RALYL: variants seen among roughly 807,000 people sequenced by gnomAD.
RALYL encodes the protein RNA-binding Raly-like protein.
A neutral mutation model predicts 35.1 loss-of-function variants in RALYL; 29 were observed. The ratio of observed to expected loss-of-function variants is 0.83; its 90% confidence interval spans 0.61 to 1.13. RALYL has a LOEUF of 1.13. Among genes scored for constraint, RALYL ranks in the 50% most tolerant of loss-of-function variants. The probability of loss-of-function intolerance (pLI) is 0.00; values close to 1 mark genes in which losing one functional copy is unlikely to be tolerated. For missense variants in RALYL, 359 were observed against 360.4 expected (o/e 1.00, Z 0.03); for synonymous variants, 120 against 127.6 (o/e 0.94, Z 0.40).
chr8:84,601,483 G>A (rs1324098293), intron 2 of RALYL, among the ~76,000 whole-genome samples: 3 of 152,120 alleles, frequency 2.0e-5, no homozygotes, highest in African/African-American at 7.2e-5. Context: ...CCTTGGAAGA[G>A]TTTCTGCCGG....
intron 4 of RALYL, among the ~76,000 whole-genome samples, chr8:84,845,582 T>A (rs1031365530): frequency 6.6e-6 from 1 of 152,228 alleles, no homozygotes; most frequent in Admixed American, 6.5e-5. Context: ...CTTTGTCAGA[T>A]GCACAGTTTA....
At chr8:84,800,617 C>T (rs1370293927) in intron 3 of RALYL, among the ~76,000 whole-genome samples, 4 of 147,326 alleles carry the variant, frequency 2.7e-5, no homozygotes, top group Non-Finnish European at 6.0e-5. Flanking sequence ...CTACCTATTT[C>T]ACATGAAAAG....
intron 2 of RALYL, among the ~76,000 whole-genome samples, chr8:84,772,410 T>C (rs950818617): frequency 1.3e-5 from 2 of 152,144 alleles, no homozygotes; most frequent in African/African-American, 4.8e-5. Flanking sequence ...GGGGATTTTA[T>C]TGGAATTACA....
At chr8:84,793,458 T>C (rs754542278) in intron 3 of RALYL, among the ~76,000 whole-genome samples, 2 of 152,190 alleles carry the variant, frequency 1.3e-5, no homozygotes, top group African/African-American at 4.8e-5. Flanking sequence ...ATTCGAGACA[T>C]TGACAAAAAC....
At chr8:84,287,595 C>CA (rs758862818) in intron 1 of RALYL, among the ~76,000 whole-genome samples, 1 of 151,294 alleles carries the variant, frequency 6.6e-6, no homozygotes, top group Non-Finnish European at 1.5e-5. Flanking sequence ...CTGGAAGTGG[C>CA]AAACAGAAAC....
chr8:84,803,823 A>G (rs1823932377), intron 3 of RALYL, among the ~76,000 whole-genome samples: 1 of 152,226 alleles, frequency 6.6e-6, no homozygotes, highest in Non-Finnish European at 1.5e-5. Flanking sequence ...TCACATTTAT[A>G]AAAATAAATG....
intron 2 of RALYL, among the ~76,000 whole-genome samples, chr8:84,711,812 A>C (rs934863881): frequency 2.6e-5 from 4 of 152,188 alleles, no homozygotes; most frequent in African/African-American, 9.6e-5. Context: ...GAAATTGATT[A>C]CAAATTAAAT....
At position 84,850,578 on chromosome 8, in the gene RALYL, TCTC is replaced by T. The variant is rs1369954848; in HGVS notation, c.413+552_413+554del. 9.8e-5 allele frequency among the ~76,000 whole-genome samples: 15 copies of T among 152,334 alleles called. No individual in the cohort carries two copies. In the South Asian group the frequency reaches 3.1e-3, roughly 32 times the overall value. On this transcript the variant is annotated intron_variant, in intron 5 of 8. Coordinates refer to ENST00000521268, the MANE Select transcript of RALYL (RefSeq NM_173848.7). The stretch of plus-strand genomic sequence containing the variant: ...AAAACATTAACAACTTTTATTCTCT[TCTC>T]TATAAACTAATGGGAAACTATAGTA...
At chr8:84,770,367 G>A (rs538620995) in intron 2 of RALYL, among the ~76,000 whole-genome samples, 1 of 151,802 alleles carries the variant, frequency 6.6e-6, no homozygotes, top group Non-Finnish European at 1.5e-5. Context: ...GCTGCAAATG[G>A]CAGTAATTTG....
chr8:84,733,023 G>T (rs1208742065), intron 2 of RALYL, among the ~76,000 whole-genome samples: 1 of 151,936 alleles, frequency 6.6e-6, no homozygotes, highest in Non-Finnish European at 1.5e-5. Flanking sequence ...AAATTAGTAT[G>T]CATTTTACCT....
intron 1 of RALYL, among the ~76,000 whole-genome samples, chr8:84,244,225 G>C (rs529067442): frequency 6.6e-6 from 1 of 152,016 alleles, no homozygotes; most frequent in Non-Finnish European, 1.5e-5. Context: ...ATTCAGCTAA[G>C]GTTAAGTGAC....
intron 1 of RALYL, among the ~76,000 whole-genome samples, chr8:84,223,204 CATTCCTCCCTTCCCTTCCCT>C (rs777726616): frequency 3.9e-5 from 1 of 25,476 alleles, no homozygotes; most frequent in Non-Finnish European, 7.5e-5. Flanking sequence ...CCTTCCCTTC[CATTCCTCCCTTCCCTTCCCT>C]TCCCTTCCCT....
intron 2 of RALYL, among the ~76,000 whole-genome samples, chr8:84,749,537 A>G (rs1809448762): frequency 6.6e-6 from 1 of 152,162 alleles, no homozygotes; most frequent in African/African-American, 2.4e-5. Flanking sequence ...CATCATAGAC[A>G]AGGGTTCCTC....
At chr8:84,339,697 C>T (rs1422839052) in intron 1 of RALYL, among the ~76,000 whole-genome samples, 5 of 151,772 alleles carry the variant, frequency 3.3e-5, no homozygotes, top group Admixed American at 3.3e-4. Flanking sequence ...TACAAAAAAG[C>T]TTAGGGACTG....
At chr8:84,615,411 T>A (rs1233368259) in intron 2 of RALYL, among the ~76,000 whole-genome samples, 1 of 151,286 alleles carries the variant, frequency 6.6e-6, no homozygotes, top group East Asian at 1.9e-4. Flanking sequence ...AATGTCAGTA[T>A]GTATTTATAT....
At chr8:84,668,829 T>C (rs1230727457) in intron 2 of RALYL, among the ~76,000 whole-genome samples, 1 of 152,048 alleles carries the variant, frequency 6.6e-6, no homozygotes, top group Non-Finnish European at 1.5e-5. Context: ...TATTAAAGGA[T>C]TTTTTTAAAA....
At chr8:84,512,204 A>AT (rs2057681142) in intron 1 of RALYL, among the ~76,000 whole-genome samples, 1 of 151,744 alleles carries the variant, frequency 6.6e-6, no homozygotes, top group South Asian at 2.1e-4. Context: ...ATCAGCATCT[A>AT]TTTTTTGTTG....
At chr8:84,857,178 T>G (rs1332020232) in intron 5 of RALYL, among the ~76,000 whole-genome samples, 4 of 152,114 alleles carry the variant, frequency 2.6e-5, no homozygotes, top group Non-Finnish European at 5.9e-5. Context: ...GGCTGGAGGT[T>G]GAATCAAGAC....
chr8:84,558,165 C>T (rs2061255474), intron 2 of RALYL, among the ~76,000 whole-genome samples: 1 of 152,126 alleles, frequency 6.6e-6, no homozygotes, highest in African/African-American at 2.4e-5. Flanking sequence ...TTTAAGTCAA[C>T]ACTGGGGTTA....
Sources: gnomAD v4.1 joint callset for allele counts (sites outside exome capture counted in the v4.1 genomes callset) on GRCh38, gnomAD v4.1.1 for gene constraint, MANE v1.5 for transcripts, NCBI Gene and HGNC (gene_info 2026-07-23, HGNC 2026-07-21) for gene names.